Variants in MPRIP observed in about 807,000 individuals in gnomAD.
The protein encoded by MPRIP is myosin phosphatase Rho interacting protein.
A neutral mutation model predicts 234.9 loss-of-function variants in MPRIP; 59 were observed. The ratio of observed to expected loss-of-function variants is 0.25; its 90% CI spans 0.20 to 0.31. The LOEUF (loss-of-function observed/expected upper bound fraction) is 0.31, where lower values mean the gene tolerates loss of function less well. Among genes scored for constraint, MPRIP ranks in the 10% least tolerant of loss-of-function variants. MPRIP has a pLI of 1.00. For synonymous variants in MPRIP, 1,144 were observed against 1,263.9 expected (o/e 0.91, Z 2.01); for missense variants, 2,436 against 3,071.0 (o/e 0.79, Z 4.89).
chr17:17,106,230 A>G (rs527365557), intron 3 of MPRIP, among the ~76,000 whole-genome samples: 1 of 152,180 alleles, frequency 6.6e-6, no homozygotes, highest in Non-Finnish European at 1.5e-5. Context: ...CCCGTTTTCT[A>G]CTGAGTGACT....
chr17:17,100,704 G>C (rs2089943584), intron 3 of MPRIP, among the ~76,000 whole-genome samples: 2 of 151,964 alleles, frequency 1.3e-5, no homozygotes, highest in African/African-American at 4.8e-5. Flanking sequence ...ATCACCCTCA[G>C]ATGGCACCAT....
rs2046563839 is a variant in MPRIP, at chr17:17,190,378, T to C, written c.*5484T>C. ...GGCTCTTCGTTTTACCTTTGTACAG[T>C]TCTTGTGTTTACACATTTGGGCCAA... On this transcript the variant is annotated 3_prime_UTR_variant, in exon 24 of 24. Coordinates refer to ENST00000651222, the MANE Select transcript of MPRIP (RefSeq NM_001364716.4). The C allele has an allele frequency of 6.6e-6, 1 of 152,256 alleles. No homozygotes were observed. The highest frequency in any genetic ancestry group is 6.5e-5 in the Admixed American group (1 of 15,282). 9.4% of individuals were successfully genotyped at this position (152,256 alleles called of 1,614,324 possible). A position where few individuals can be genotyped will look rare whatever the true frequency, so the allele number is the denominator to read the frequency against.
At chr17:17,089,186 AAAC>A (rs1597785623) in intron 3 of MPRIP, among the ~76,000 whole-genome samples, 2 of 152,342 alleles carry the variant, frequency 1.3e-5, no homozygotes, top group East Asian at 3.9e-4. Flanking sequence ...TAGTGGCTTA[AAAC>A]AACACATCTT....
At chr17:17,155,220 G>A (rs993039582) in intron 13 of MPRIP, among the ~76,000 whole-genome samples, 2 of 152,108 alleles carry the variant, frequency 1.3e-5, no homozygotes, top group Admixed American at 1.3e-4. Context: ...GTCACAGCGG[G>A]GGCTGTCCAT....
At chr17:17,146,239 A>G (rs529922633) in intron 10 of MPRIP, 147 bp downstream of exon 10, 11 of 715,964 alleles carry the variant, frequency 1.5e-5, no homozygotes, top group Non-Finnish European at 2.4e-5. Context: ...TGTGGCTGAG[A>G]CTCCCATCTG....
At position 17,129,689 on chromosome 17, in the gene MPRIP, C is replaced by G. The variant is rs528206027; in HGVS notation, c.420-1928C>G. 1.7e-4 allele frequency among the ~76,000 whole-genome samples: 25 copies of G among 150,830 alleles called. No individual in the cohort carries two copies. In the South Asian group the frequency reaches 5.2e-3, roughly 31 times the overall value. On this transcript the variant is annotated intron_variant, in intron 4 of 23. Transcript: ENST00000651222. Reference sequence around the variant, plus strand: ...CCTGCGGTGCAGCCTTCTCCCCTCCCCTCCAGGTTCCATCCTGCAAGGCCA... The same window carrying G: ...CCTGCGGTGCAGCCTTCTCCCCTCCGCTCCAGGTTCCATCCTGCAAGGCCA...
rs2045569047 is a variant in MPRIP at position 17,150,162 on chromosome 17, G to A, written c.1648G>A (p.Glu550Lys). The A allele has an allele frequency of 6.2e-7, 1 of 1,613,648 alleles. No individual in the cohort carries two copies. ...VAEEAADLDG[E>K]IDLSACYDVT... ...TCGGCAGGCAGCCGACTTGGATGGA[G>A]AAATTGACTTGTCCGCATGTTACGA... Residue 550 changes from glutamate (E) to lysine (K), a missense_variant, in exon 12 of 24, where the codon GAA becomes AAA. Transcript: ENST00000651222.
chr17:17,103,656 C>T (rs2090007423), intron 3 of MPRIP, among the ~76,000 whole-genome samples: 1 of 152,180 alleles, frequency 6.6e-6, no homozygotes, highest in South Asian at 2.1e-4. Context: ...GATGTTGGTT[C>T]CTTCCTAATA....
In MPRIP at chr17:17,155,900, A is replaced by C. The variant is rs528824742; in HGVS notation, c.1829+1485A>C. 5.9e-5 allele frequency among the ~76,000 whole-genome samples: 9 copies of C among 152,352 alleles called. No homozygotes were observed. In the East Asian group the frequency reaches 1.7e-3, roughly 29 times the overall value. ...CTACTGCTTCCATGGCTCTCCCATC[A>C]GGAGCAGACACCCAAGCTTGACAAG... On this transcript the variant is annotated intron_variant, in intron 13 of 23. Transcript: ENST00000651222.
chr17:17,064,896 GGTA>G (rs1184943421), intron 1 of MPRIP, among the ~76,000 whole-genome samples: 2 of 152,172 alleles, frequency 1.3e-5, no homozygotes, highest in East Asian at 3.8e-4. Flanking sequence ...CTAGGTTGTA[GGTA>G]GTTGCATGTT....
At chr17:17,064,506 A>G (rs549654787) in intron 1 of MPRIP, among the ~76,000 whole-genome samples, 3 of 152,170 alleles carry the variant, frequency 2.0e-5, no homozygotes, top group Non-Finnish European at 4.4e-5. Flanking sequence ...CGGCTGGGAT[A>G]CTGACTACAA....
At chr17:17,067,457 G>A (rs2089067872) in intron 1 of MPRIP, among the ~76,000 whole-genome samples, 1 of 152,188 alleles carries the variant, frequency 6.6e-6, no homozygotes, top group South Asian at 2.1e-4. Flanking sequence ...GGACAAAGGG[G>A]AGGCTCCACA....
chr17:17,104,542 G>C (rs2090026419), intron 3 of MPRIP, among the ~76,000 whole-genome samples: 1 of 152,180 alleles, frequency 6.6e-6, no homozygotes, highest in Non-Finnish European at 1.5e-5. Flanking sequence ...GTTCAAGCCT[G>C]GTGGGGAGCC....
At chr17:17,064,396 C>T (rs185575527) in intron 1 of MPRIP, among the ~76,000 whole-genome samples, 5 of 152,132 alleles carry the variant, frequency 3.3e-5, no homozygotes, top group Admixed American at 6.5e-5. Context: ...TTGAGATAAT[C>T]GTGTTTCCCC....
chr17:17,133,196 A>G (rs2090631070), intron 5 of MPRIP, among the ~76,000 whole-genome samples: 1 of 152,136 alleles, frequency 6.6e-6, no homozygotes, highest in Non-Finnish European at 1.5e-5. Flanking sequence ...AGGGTCTCTT[A>G]GAGTCTGGAG....
intron 16 of MPRIP, 200 bp from the exon 17 acceptor site, chr17:17,171,518 T>C (rs2046134195): frequency 1.6e-6 from 1 of 610,140 alleles, no homozygotes; most frequent in Admixed American, 3.3e-5. Flanking sequence ...CACCCTTTTC[T>C]GAATGCTCTG....
At chr17:17,121,606 A>G (rs1210543159) in intron 3 of MPRIP, among the ~76,000 whole-genome samples, 1 of 152,244 alleles carries the variant, frequency 6.6e-6, no homozygotes, top group African/African-American at 2.4e-5. Context: ...CCCCATCGGC[A>G]GCAGGGGAAG....
At chr17:17,171,662 G>A (rs1182980445) in intron 16 of MPRIP, 56 bp from the exon 17 acceptor site, 1 of 1,580,448 alleles carries the variant, frequency 6.3e-7, no homozygotes, top group Non-Finnish European at 8.6e-7. Flanking sequence ...ATTTAAAAGG[G>A]CCCCCAACTT....
At chr17:17,082,054 A>G (rs2089474295) in intron 3 of MPRIP, among the ~76,000 whole-genome samples, 1 of 152,064 alleles carries the variant, frequency 6.6e-6, no homozygotes, top group Non-Finnish European at 1.5e-5. Flanking sequence ...CTCCACCTGT[A>G]AAGTGCTGCC....
Sources: gnomAD v4.1 joint callset for allele counts (sites outside exome capture counted in the v4.1 genomes callset) on GRCh38, gnomAD v4.1.1 for gene constraint, MANE v1.5 for transcripts, NCBI Gene and HGNC (gene_info 2026-07-23, HGNC 2026-07-21) for gene names.